NRP1: variants seen among roughly 807,000 people sequenced by gnomAD.
NRP1 encodes the protein neuropilin 1, also known as neuropilin-1.
A neutral mutation model predicts 106.7 loss-of-function variants in NRP1; 35 were observed. That is an observed-to-expected ratio of 0.33 (90% CI 0.25 to 0.43). The LOEUF is 0.43. NRP1 is among the 20% of genes least tolerant of loss of function. The pLI, the probability that NRP1 is intolerant of heterozygous loss-of-function variation, is 1.00. For missense variants in NRP1, 1,024 were observed against 1,170.4 expected, an observed-to-expected ratio of 0.87 and a Z score of 1.83; for synonymous variants, 437 against 417.9, an observed-to-expected ratio of 1.05 and a Z score of -0.56.
intron 2 of NRP1, among the ~76,000 whole-genome samples, chr10:33,323,028 G>C (rs1316973454): frequency 6.6e-6 from 1 of 152,108 alleles, no homozygotes; most frequent in Non-Finnish European, 1.5e-5. Context: ...TGAGAGAAAA[G>C]TGAGTGCTCA....
chr10:33,326,386 A>G (rs935647488), intron 2 of NRP1, among the ~76,000 whole-genome samples: 2 of 152,070 alleles, frequency 1.3e-5, no homozygotes, highest in African/African-American at 4.8e-5. Flanking sequence ...TCACTTCTTT[A>G]TTTCTTTTCT....
chr10:33,260,921 C>T (rs11009326), intron 4 of NRP1, among the ~76,000 whole-genome samples: 97,395 of 146,976 alleles, frequency 0.66, 32,293 homozygotes, highest in African/African-American at 0.77. Context: ...TAAAAGCAAT[C>T]TTGTTGGCAG....
intron 2 of NRP1, among the ~76,000 whole-genome samples, chr10:33,300,335 A>G (rs1263259774): frequency 6.6e-6 from 1 of 152,232 alleles, no homozygotes; most frequent in Non-Finnish European, 1.5e-5. Context: ...AATGTCCATC[A>G]ACAAAGTGCA....
chr10:33,240,983 G>C (rs1361427613), intron 6 of NRP1, among the ~76,000 whole-genome samples: 1 of 152,198 alleles, frequency 6.6e-6, no homozygotes, highest in African/African-American at 2.4e-5. Flanking sequence ...GCCAGGAGCT[G>C]TATATGCTGA....
intron 2 of NRP1, among the ~76,000 whole-genome samples, chr10:33,301,595 T>C (rs1316202715): frequency 6.6e-6 from 1 of 152,180 alleles, no homozygotes; most frequent in Non-Finnish European, 1.5e-5. Context: ...CACGGTCCAC[T>C]GTGTTGTGTG....
chr10:33,211,765 C>T (rs1838319430), intron 9 of NRP1: 1 of 152,216 alleles, frequency 6.6e-6, no homozygotes, highest in African/African-American at 2.4e-5. Flanking sequence ...TGTTCCCACA[C>T]TTGCTTAGAG....
At chr10:33,288,173 G>A (rs1162141729) in intron 2 of NRP1, 1 of 152,102 alleles carries the variant, frequency 6.6e-6, no homozygotes, top group Non-Finnish European at 1.5e-5. Context: ...CCAGGTATTG[G>A]CCACATGATT....
intron 12 of NRP1, 75 bp from the exon 13 acceptor site, chr10:33,192,493 C>A: frequency 6.7e-7 from 1 of 1,502,800 alleles, no homozygotes; most frequent in Non-Finnish European, 9.1e-7. Context: ...CACAAAGGCC[C>A]TTGGTTCACT....
intron 4 of NRP1, among the ~76,000 whole-genome samples, chr10:33,260,582 C>T (rs1449454484): frequency 6.6e-6 from 1 of 152,172 alleles, no homozygotes; most frequent in African/African-American, 2.4e-5. Flanking sequence ...AGCACCAACA[C>T]TTCCAGCATG....
At chr10:33,186,128 A>G in intron 14 of NRP1, 89 bp downstream of exon 14, 1 of 1,460,276 alleles carries the variant, frequency 6.8e-7, no homozygotes, top group East Asian at 2.3e-5. Flanking sequence ...TTTCGGAATA[A>G]TTCCCATGTC....
chr10:33,221,846 G>T lies in NRP1; in HGVS notation c.1155C>A (p.Thr385=). 1 of 1,612,066 alleles carries T rather than the reference G, an allele frequency of 6.2e-7. No homozygotes were observed. ...GNKPVLFQGN[T]NPTDVVVAVF... ...CTGCAACCACAACATCTGTGGGGTT[G>T]GTGTTTCCCTGAAAGAGCTGTATGG... Residue 385 remains threonine (T), a synonymous_variant, in exon 8 of 17, where the codon ACC becomes ACA. Transcript: ENST00000374867.
chr10:33,213,533 C>G lies in NRP1; in HGVS notation c.1467G>C (p.Leu489=), dbSNP rs556712319. The G allele has an allele frequency of 6.6e-4, 1,064 of 1,614,098 alleles. 13 individuals are homozygous for G. The South Asian group carries it at 0.011, about 17-fold the overall frequency. Residue 489 remains leucine, a synonymous_variant, in exon 9 of 17, where the codon CTG becomes CTC. Coordinates refer to ENST00000374867, the MANE Select transcript of NRP1 (RefSeq NM_003873.7). The part of the protein sequence containing the change: ...SYINEWLQID[L]GEEKIVRGII... ...TGCCCCTCACGATCTTCTCCTCCCC[C>G]AGGTCTATTTGGAGCCACTCATTGA...
intron 14 of NRP1, 25 bp from the exon 15 acceptor site, chr10:33,185,749 A>T: frequency 6.3e-7 from 1 of 1,581,900 alleles, no homozygotes; most frequent in Non-Finnish European, 8.7e-7. Context: ...TCATTTTCAC[A>T]GTATTGAAAT....
At chr10:33,189,607 C>T (rs1836270916) in intron 13 of NRP1, among the ~76,000 whole-genome samples, 1 of 152,178 alleles carries the variant, frequency 6.6e-6, no homozygotes, top group Non-Finnish European at 1.5e-5. Context: ...TTCACTGAAC[C>T]AGGGAGAGAT....
chr10:33,279,088 G>T (rs1843920473), intron 2 of NRP1, among the ~76,000 whole-genome samples: 2 of 152,226 alleles, frequency 1.3e-5, no homozygotes, highest in African/African-American at 2.4e-5. Flanking sequence ...CATGGGTGAT[G>T]GTTAGTCAAG....
intron 3 of NRP1, 94 bp from the exon 4 acceptor site, chr10:33,263,967 T>C: frequency 6.6e-6 from 5 of 758,230 alleles, no homozygotes; most frequent in Non-Finnish European, 1.1e-5. Flanking sequence ...ATCTTTCTAA[T>C]AAAAGCCCGC....
At chr10:33,207,455 TAAGG>T in intron 10 of NRP1, 113 bp downstream of exon 10, 1 of 1,082,366 alleles carries the variant, frequency 9.2e-7, no homozygotes, top group Non-Finnish European at 1.3e-6. Context: ...GGCACCGAGA[TAAGG>T]GGCCTCCCAA....
At chr10:33,231,599 T>C (rs2132992304) in intron 6 of NRP1, among the ~76,000 whole-genome samples, 1 of 152,320 alleles carries the variant, frequency 6.6e-6, no homozygotes, top group South Asian at 2.1e-4. Flanking sequence ...TCAACTGGAT[T>C]AACATTATCA....
intron 4 of NRP1, among the ~76,000 whole-genome samples, chr10:33,258,283 AAT>A (rs1842339068): frequency 6.6e-6 from 1 of 152,230 alleles, no homozygotes; most frequent in Non-Finnish European, 1.5e-5. Context: ...AACAAAATAA[AAT>A]AACTAAAGTA....
Sources: allele counts gnomAD v4.1 joint callset (sites outside exome capture counted in the v4.1 genomes callset), GRCh38; gene constraint gnomAD v4.1.1; transcripts MANE v1.5; gene names NCBI Gene and HGNC (gene_info 2026-07-23, HGNC 2026-07-21).